The following SGPP2 variants were observed in gnomAD, a reference collection of about 807,000 sequenced individuals.
The protein encoded by SGPP2 is sphingosine-1-phosphate phosphatase 2, also known as sphingosine 1-phosphate phosphohydrolase 2.
SGPP2 carries 30 observed loss-of-function variants against 33.9 expected under a neutral mutation model. The ratio of observed to expected loss-of-function variants is 0.89; its 90% CI spans 0.66 to 1.20. The LOEUF (loss-of-function observed/expected upper bound fraction) is 1.20. Ranked by LOEUF, SGPP2 falls within the 50% of genes most tolerant of loss-of-function variation. The pLI, the probability that SGPP2 is intolerant of heterozygous loss-of-function variation, is 0.00. For synonymous variants in SGPP2, 233 were observed against 225.0 expected (o/e 1.04, Z -0.32); for missense variants, 458 against 532.1 (o/e 0.86, Z 1.37).
chr2:222,456,484 T>A, intron 1 of SGPP2, among the ~76,000 whole-genome samples: 1 of 152,228 alleles, frequency 6.6e-6, no homozygotes, highest in East Asian at 1.9e-4. Flanking sequence ...CTATGGCAGC[T>A]TACAAATTCA....
chr2:222,509,747 C>T (rs542138695), intron 2 of SGPP2, among the ~76,000 whole-genome samples: 67 of 152,306 alleles, frequency 4.4e-4, no homozygotes, highest in African/African-American at 1.5e-3. Context: ...ATTTCTCTTT[C>T]TTTTTAAAAT....
chr2:222,489,406 T>C (rs1298959641), intron 2 of SGPP2, among the ~76,000 whole-genome samples: 1 of 150,578 alleles, frequency 6.6e-6, no homozygotes, highest in Non-Finnish European at 1.5e-5. Flanking sequence ...TTAATTAGAA[T>C]GTATTAAGAA....
intron 4 of SGPP2, among the ~76,000 whole-genome samples, chr2:222,528,042 T>C (rs1698786498): frequency 6.6e-6 from 1 of 152,122 alleles, no homozygotes; most frequent in African/African-American, 2.4e-5. Flanking sequence ...AATAACTGGA[T>C]TGAGCCAACT....
Position 222,477,234 on chromosome 2 carries a change from G to GGT in SGPP2, c.378+2513_378+2514dup, listed in dbSNP as rs1697955227. Among the ~76,000 whole-genome samples, 1 of 149,720 alleles carries GGT rather than the reference G, an allele frequency of 6.7e-6. No homozygotes were observed. The highest frequency in any genetic ancestry group is 2.0e-4 in the East Asian group (1 of 5,004). On this transcript the variant is annotated intron_variant, in intron 2 of 4. Coordinates refer to ENST00000321276, the MANE Select transcript of SGPP2 (RefSeq NM_152386.4). This position sits in a 1 kb window ranked among gnomAD's most constrained non-coding sequence, Gnocchi z 6.0. ...GTGCATATATATGTTTATGTATATA[G>GGT]GTGTGTATATACATGTATGTGAGTA...
chr2:222,482,317 T>A (rs554892464), intron 2 of SGPP2, among the ~76,000 whole-genome samples: 30 of 152,202 alleles, frequency 2.0e-4, no homozygotes, highest in Non-Finnish European at 4.0e-4. Context: ...TCTGCTATAA[T>A]TCAATTGTGA....
chr2:222,539,553 C>G (rs1367370961), intron 4 of SGPP2, among the ~76,000 whole-genome samples: 2 of 152,202 alleles, frequency 1.3e-5, no homozygotes, highest in Non-Finnish European at 2.9e-5. Context: ...GATGGCCAGA[C>G]ACTAGGCTGA....
intron 2 of SGPP2, among the ~76,000 whole-genome samples, chr2:222,510,725 C>A (rs929825763): frequency 2.0e-5 from 3 of 152,062 alleles, no homozygotes; most frequent in Admixed American, 2.0e-4. Flanking sequence ...AGCCTTTGCT[C>A]TTTTCAGATG....
At chr2:222,484,949 C>T (rs886410979) in intron 2 of SGPP2, among the ~76,000 whole-genome samples, 4 of 152,122 alleles carry the variant, frequency 2.6e-5, no homozygotes, top group African/African-American at 4.8e-5. Context: ...GCAAAGCTGC[C>T]GTCTTGAATT....
rs545983869 is a variant in SGPP2, at chr2:222,536,568, T to C, written c.648+11535T>C. On this transcript the variant is annotated intron_variant, in intron 4 of 4. Coordinates refer to ENST00000321276, the MANE Select transcript of SGPP2 (RefSeq NM_152386.4). ...GGTAGCAGGCACCTGTAGTCCCAGC[T>C]ACTCGGGAGGATGAGGCATGAGAAT... is the stretch of plus-strand genomic sequence containing the variant. Among the ~76,000 whole-genome samples, 8 of 152,184 alleles carry C rather than the reference T, an allele frequency of 5.3e-5. No individual in the cohort carries two copies. The East Asian group carries it at 1.5e-3, about 29-fold the overall frequency.
intron 1 of SGPP2, among the ~76,000 whole-genome samples, chr2:222,434,594 C>T (rs892486558): frequency 1.3e-5 from 2 of 152,144 alleles, no homozygotes; most frequent in African/African-American, 4.8e-5. Context: ...GAGAAAACAC[C>T]TGGTTCATTG....
intron 1 of SGPP2, among the ~76,000 whole-genome samples, chr2:222,429,154 A>G (rs535231068): frequency 6.6e-6 from 1 of 152,274 alleles, no homozygotes; most frequent in South Asian, 2.1e-4. Context: ...GCTGTACAGT[A>G]TAGTCACTTA....
At chr2:222,467,967 A>C (rs867471588) in intron 1 of SGPP2, among the ~76,000 whole-genome samples, 133 of 126,664 alleles carry the variant, frequency 1.1e-3, no homozygotes, top group African/African-American at 5.1e-3. Flanking sequence ...AAAAAAAAAA[A>C]AAAAAAAAAA....
chr2:222,525,161 A>G (rs1574877669), intron 4 of SGPP2, 128 bp downstream of exon 4: 2 of 643,634 alleles, frequency 3.1e-6, no homozygotes, highest in Non-Finnish European at 5.4e-6. Flanking sequence ...CATCATGCCA[A>G]TGCATTAAGT....
At chr2:222,497,571 G>A (rs1489314906) in intron 2 of SGPP2, among the ~76,000 whole-genome samples, 1 of 152,082 alleles carries the variant, frequency 6.6e-6, no homozygotes, top group Non-Finnish European at 1.5e-5. Context: ...CCTTGTAATT[G>A]GTGAGCAACA....
In SGPP2 at chr2:222,476,625, C is replaced by G. The variant is rs771812562; in HGVS notation, c.378+1899C>G. Among the ~76,000 whole-genome samples the G allele has an allele frequency of 2.0e-5, 3 of 151,874 alleles. No homozygotes were observed. The highest frequency in any genetic ancestry group is 1.3e-4 in the Admixed American group (2 of 15,238). On this transcript the variant is annotated intron_variant, in intron 2 of 4. Transcript: ENST00000321276. This position sits in a 1 kb window ranked among gnomAD's most constrained non-coding sequence, Gnocchi z 4.3. ...CCTTCTGTTCTTAACATCTGAAAAC[C>G]CTTGGAAAACCTATGGGCTTGAGTT...
At chr2:222,540,817 GTTTTTTTTTT>G (rs750932260) in intron 4 of SGPP2, among the ~76,000 whole-genome samples, 1 of 108,428 alleles carries the variant, frequency 9.2e-6, no homozygotes, top group East Asian at 2.5e-4. Context: ...CTTATAAACT[GTTTTTTTTTT>G]TTTTTTTTTG....
chr2:222,444,436 T>A (rs1175157000), intron 1 of SGPP2, among the ~76,000 whole-genome samples: 1 of 152,108 alleles, frequency 6.6e-6, no homozygotes, highest in Non-Finnish European at 1.5e-5. Context: ...TTTTAGAGAG[T>A]TTCTTATTCT....
At chr2:222,514,678 A>G (rs984953066) in intron 2 of SGPP2, among the ~76,000 whole-genome samples, 4 of 152,246 alleles carry the variant, frequency 2.6e-5, no homozygotes, top group Non-Finnish European at 4.4e-5. Flanking sequence ...TTTCATCTAC[A>G]TGAATGTCTG....
At chr2:222,494,760 G>T (rs1698250483) in intron 2 of SGPP2, among the ~76,000 whole-genome samples, 1 of 152,008 alleles carries the variant, frequency 6.6e-6, no homozygotes, top group African/African-American at 2.4e-5. Flanking sequence ...GCCAATGAGA[G>T]CAGGATTTAA....
Sources: allele counts gnomAD v4.1 joint callset (sites outside exome capture counted in the v4.1 genomes callset), GRCh38; gene constraint gnomAD v4.1.1; non-coding constraint Gnocchi (gnomAD v3.1); transcripts MANE v1.5; gene names NCBI Gene and HGNC (gene_info 2026-07-23, HGNC 2026-07-21).